The following NLGN1 variants were observed in gnomAD, a reference collection of about 807,000 sequenced individuals.
NLGN1 encodes the protein neuroligin-1.
In NLGN1, 12 loss-of-function variants were observed where a neutral mutation model predicts 65.5. The observed-to-expected ratio is 0.18, with a 90% confidence interval of 0.12 to 0.30. NLGN1 has a LOEUF of 0.30. Ranked by LOEUF, NLGN1 falls within the 10% of genes least tolerant of loss-of-function variation. The pLI is 1.00. For missense variants in NLGN1, 750 were observed against 1,007.1 expected, an observed-to-expected ratio of 0.74 and a Z score of 3.46; for synonymous variants, 350 against 359.5, an observed-to-expected ratio of 0.97 and a Z score of 0.30.
At chr3:173,639,273 G>T (rs922110581) in intron 3 of NLGN1, among the ~76,000 whole-genome samples, 21 of 152,310 alleles carry the variant, frequency 1.4e-4, no homozygotes, top group African/African-American at 5.1e-4. Context: ...ATGGAATGAG[G>T]CAGTCATTTG....
chr3:174,093,320 C>T (rs968051675), intron 4 of NLGN1, among the ~76,000 whole-genome samples: 10 of 152,140 alleles, frequency 6.6e-5, no homozygotes, highest in African/African-American at 2.4e-4. Context: ...AATAAAGATA[C>T]CTGTTTACAG....
intron 3 of NLGN1, among the ~76,000 whole-genome samples, chr3:173,648,557 T>G (rs1758641889): frequency 6.6e-6 from 1 of 152,020 alleles, no homozygotes. Context: ...ACTGGGTAGA[T>G]TCTTCTTTTT....
chr3:174,016,514 G>A (rs13068928), intron 4 of NLGN1, among the ~76,000 whole-genome samples: 26,698 of 152,012 alleles, frequency 0.18, 2,567 homozygotes, highest in East Asian at 0.34. Flanking sequence ...AGCAACCATC[G>A]CTGGAGCTGG....
At chr3:173,954,201 C>T (rs1748747517) in intron 4 of NLGN1, among the ~76,000 whole-genome samples, 1 of 152,036 alleles carries the variant, frequency 6.6e-6, no homozygotes, top group African/African-American at 2.4e-5. Flanking sequence ...CCTCAATGAA[C>T]TATTCTTCAG....
At chr3:173,481,170 T>G (rs1283455368) in intron 2 of NLGN1, among the ~76,000 whole-genome samples, 1 of 152,052 alleles carries the variant, frequency 6.6e-6, no homozygotes, top group African/African-American at 2.4e-5. Context: ...GCCATAAATA[T>G]ATGCTATTTT....
At chr3:173,806,330 C>G (rs373111590) in intron 3 of NLGN1, among the ~76,000 whole-genome samples, 2 of 152,168 alleles carry the variant, frequency 1.3e-5, no homozygotes, top group East Asian at 3.9e-4. Flanking sequence ...AAAGCAATCT[C>G]TAAGTAATCA....
At chr3:174,083,811 ATGG>A (rs1000492083) in intron 4 of NLGN1, among the ~76,000 whole-genome samples, 4 of 151,994 alleles carry the variant, frequency 2.6e-5, no homozygotes, top group African/African-American at 9.7e-5. Flanking sequence ...TAAAAAAAAA[ATGG>A]TGGCCATTGG....
intron 4 of NLGN1, among the ~76,000 whole-genome samples, chr3:174,265,972 GTA>G (rs1209570385): frequency 2.7e-5 from 4 of 146,748 alleles, no homozygotes; most frequent in South Asian, 2.1e-4. Context: ...ATGTGTATAA[GTA>G]TATATATGTA....
At chr3:173,857,119 C>T (rs1485087347) in intron 4 of NLGN1, among the ~76,000 whole-genome samples, 1 of 151,920 alleles carries the variant, frequency 6.6e-6, no homozygotes, top group Non-Finnish European at 1.5e-5. Flanking sequence ...AGGAATGCCA[C>T]CTGGACACAT....
intron 3 of NLGN1, among the ~76,000 whole-genome samples, chr3:173,796,307 C>G (rs1714052250): frequency 6.6e-6 from 1 of 152,096 alleles, no homozygotes; most frequent in African/African-American, 2.4e-5. Flanking sequence ...CAGAGAAACG[C>G]TGATATTTTT....
At chr3:173,644,258 T>G (rs928848046) in intron 3 of NLGN1, 10 of 154,196 alleles carry the variant, frequency 6.5e-5, no homozygotes, top group African/African-American at 2.4e-4. Context: ...TCAGTGGCCC[T>G]GTCCTACTGG....
intron 4 of NLGN1, among the ~76,000 whole-genome samples, chr3:174,072,788 T>G (rs1740167917): frequency 6.6e-6 from 1 of 151,894 alleles, no homozygotes; most frequent in Admixed American, 6.6e-5. Flanking sequence ...GACCATGGAG[T>G]TCAAAATGAG....
rs530540253 is a variant in NLGN1 at position 174,241,461 on chromosome 3, C to A, written c.647-33854C>A. Among the ~76,000 whole-genome samples, 202 of 151,202 alleles carry A rather than the reference C, an allele frequency of 1.3e-3. No individual in the cohort carries two copies. The South Asian group carries it at 0.015, about 11-fold the overall frequency. ...CTTCTGAGCCAGGATTCTTAGAAGC[C>A]GAGTTTTCTAGCCATCATTTAGACC... On this transcript the variant is annotated intron_variant, in intron 4 of 6. Coordinates refer to ENST00000457714, the Ensembl canonical transcript of NLGN1.
chr3:174,194,692 G>A (rs1733047283), intron 4 of NLGN1, among the ~76,000 whole-genome samples: 1 of 149,648 alleles, frequency 6.7e-6, no homozygotes, highest in South Asian at 2.1e-4. Context: ...TTGTGTGTGT[G>A]TGTATATATA....
chr3:173,882,964 G>A (rs964489474), intron 4 of NLGN1, among the ~76,000 whole-genome samples: 32 of 148,920 alleles, frequency 2.1e-4, no homozygotes, highest in African/African-American at 8.0e-4. Context: ...CAGCCATTGA[G>A]GAGTTATTAA....
chr3:173,531,954 G>A (rs1736645996), intron 2 of NLGN1, among the ~76,000 whole-genome samples: 2 of 152,048 alleles, frequency 1.3e-5, no homozygotes, highest in South Asian at 4.1e-4. Flanking sequence ...AGCCAAAGTG[G>A]AGTTCTATTT....
At chr3:173,639,466 T>C (rs114509799) in intron 3 of NLGN1, among the ~76,000 whole-genome samples, 2,371 of 152,254 alleles carry the variant, frequency 0.016, 29 homozygotes, top group Non-Finnish European at 0.024. Context: ...TTGTGAAAAC[T>C]GATAGGGATA....
At chr3:174,186,638 T>G (rs1731451029) in intron 4 of NLGN1, among the ~76,000 whole-genome samples, 1 of 152,018 alleles carries the variant, frequency 6.6e-6, no homozygotes, top group Non-Finnish European at 1.5e-5. Flanking sequence ...AATGCCAAGT[T>G]TGGCCACCAT....
intron 4 of NLGN1, among the ~76,000 whole-genome samples, chr3:174,080,069 G>GA (rs914305283): frequency 5.9e-5 from 9 of 151,624 alleles, no homozygotes; most frequent in South Asian, 2.1e-4. Context: ...ATAAACAATG[G>GA]AAAAAAAACT....
Sources: allele counts gnomAD v4.1 joint callset (sites outside exome capture counted in the v4.1 genomes callset), GRCh38; gene constraint gnomAD v4.1.1; transcripts MANE v1.5; gene names NCBI Gene and HGNC (gene_info 2026-07-23, HGNC 2026-07-21).